The following TEX2 variants were observed in gnomAD, a reference collection of about 807,000 sequenced individuals.
TEX2 encodes testis-expressed protein 2.
A neutral mutation model predicts 106.9 loss-of-function variants in TEX2; 53 were observed. The observed-to-expected ratio is 0.50, with a 90% CI of 0.40 to 0.62. The LOEUF (loss-of-function observed/expected upper bound fraction) is 0.62. Ranked by LOEUF, TEX2 falls within the 20% of genes least tolerant of loss-of-function variation. TEX2 has a pLI of 0.00. For missense variants in TEX2, 1,207 were observed against 1,379.0 expected, an observed-to-expected ratio of 0.88 and a Z score of 1.98; for synonymous variants, 523 against 534.8, an observed-to-expected ratio of 0.98 and a Z score of 0.30.
intron 9 of TEX2, among the ~76,000 whole-genome samples, chr17:64,154,097 A>T (rs1340407900): frequency 6.6e-6 from 1 of 152,222 alleles, no homozygotes; most frequent in African/African-American, 2.4e-5. Flanking sequence ...GTATGTGTTC[A>T]GGGAAAAGCA....
chr17:64,214,289 C>A (rs1385980303), intron 1 of TEX2, 47 bp from the exon 2 acceptor site: 6 of 1,480,284 alleles, frequency 4.1e-6, no homozygotes, highest in South Asian at 1.3e-5. Flanking sequence ...AGTTTCTCCA[C>A]AGGAGACGCT....
At chr17:64,253,333 CTTTT>C (rs71158311) in intron 1 of TEX2, among the ~76,000 whole-genome samples, 1 of 39,464 alleles carries the variant, frequency 2.5e-5, no homozygotes, top group Admixed American at 3.5e-4. Context: ...TTCTTTCTTT[CTTTT>C]TTTTTTTTTT....
rs1040005729 is a variant in TEX2 at position 64,149,156 on chromosome 17, G to T, written c.3262-65C>A. On this transcript the variant is annotated intron_variant, in intron 11 of 11. Transcript: ENST00000584379. ...CCTTGCCAGGCTGTCACCCTCCTTT[G>T]TTCTGATAATTTTAGGGCTTAGACT... 16 of 1,569,978 alleles carry T rather than the reference G, an allele frequency of 1.0e-5. No homozygotes were observed. The African/African-American group carries it at 1.8e-4, about 17-fold the overall frequency.
chr17:64,226,032 T>C (rs1555633866), intron 1 of TEX2, among the ~76,000 whole-genome samples: 1 of 152,180 alleles, frequency 6.6e-6, no homozygotes, highest in African/African-American at 2.4e-5. Context: ...CAACACATTT[T>C]CAAAAGCTGA....
chr17:64,246,531 C>A (rs2033991524), intron 1 of TEX2, among the ~76,000 whole-genome samples: 1 of 152,160 alleles, frequency 6.6e-6, no homozygotes, highest in African/African-American at 2.4e-5. Context: ...AGGCGTGACC[C>A]ACCACGTCCA....
chr17:64,166,483 T>C (rs1023752839), intron 7 of TEX2, among the ~76,000 whole-genome samples: 12 of 152,212 alleles, frequency 7.9e-5, no homozygotes, highest in Admixed American at 3.9e-4. Context: ...GTGAGGCTGC[T>C]GCTGACCCGG....
At position 64,195,500 on chromosome 17, in the gene TEX2, C is replaced by T. The variant is rs974990465; in HGVS notation, c.1645-405G>A. Reference sequence around the variant, plus strand: ...AGCTAAACACATGCTCTTCCCAGCCCAGTTGGAATCTTTGAAATTTCAGGT... The same window carrying T: ...AGCTAAACACATGCTCTTCCCAGCCTAGTTGGAATCTTTGAAATTTCAGGT... On this transcript the variant is annotated intron_variant, in intron 2 of 11. Transcript: ENST00000584379. The surrounding 1 kb of genome is among the most constrained non-coding windows in gnomAD (Gnocchi z 4.1). 6.6e-6 allele frequency among the ~76,000 whole-genome samples: 1 copy of T among 152,174 alleles called. No individual in the cohort carries two copies. Among genetic ancestry groups the T allele is most frequent in the Admixed American group, 6.5e-5 (1 of 15,270 alleles).
At position 64,201,700 on chromosome 17, in the gene TEX2, C is replaced by T. The variant is rs115967017; in HGVS notation, c.1645-6605G>A. Among the ~76,000 whole-genome samples the T allele has an allele frequency of 5.4e-3, 820 of 152,236 alleles. 11 individuals carry two copies. Among genetic ancestry groups the T allele is most frequent in the African/African-American group, 0.018 (744 of 41,536 alleles). ...GTCACCCCTCAGGTCATGGCAAAGACGGCACTTCTCCTAGGAAGCCTCCCT... is the reference window on the plus strand; with the variant it reads ...GTCACCCCTCAGGTCATGGCAAAGATGGCACTTCTCCTAGGAAGCCTCCCT... On this transcript the variant is annotated intron_variant, in intron 2 of 11. Coordinates refer to ENST00000584379, the MANE Select transcript of TEX2 (RefSeq NM_001288732.2).
chr17:64,177,013 A>G (rs2031642403), intron 6 of TEX2, among the ~76,000 whole-genome samples: 1 of 152,238 alleles, frequency 6.6e-6, no homozygotes, highest in Non-Finnish European at 1.5e-5. Context: ...ACTTAAAAAT[A>G]ACAATTATAT....
intron 1 of TEX2, among the ~76,000 whole-genome samples, chr17:64,258,817 T>TG (rs2034234910): frequency 6.6e-6 from 1 of 151,238 alleles, no homozygotes; most frequent in Admixed American, 6.6e-5. Context: ...TGGAGTGCAG[T>TG]GGTGCGATCT....
chr17:64,209,040 C>A (rs2032921868), intron 2 of TEX2, among the ~76,000 whole-genome samples: 1 of 152,148 alleles, frequency 6.6e-6, no homozygotes, highest in Non-Finnish European at 1.5e-5. Context: ...ATCCATTCAG[C>A]CAACAATTAC....
At chr17:64,242,983 C>CAGTG (rs1430063749) in intron 1 of TEX2, among the ~76,000 whole-genome samples, 2 of 151,100 alleles carry the variant, frequency 1.3e-5, no homozygotes, top group East Asian at 3.9e-4. Flanking sequence ...GGCTGGAGTG[C>CAGTG]AGTGGCACGA....
intron 1 of TEX2, among the ~76,000 whole-genome samples, chr17:64,224,053 C>T (rs1344584277): frequency 6.6e-6 from 1 of 152,150 alleles, no homozygotes; most frequent in African/African-American, 2.4e-5. Context: ...AAAATTCAGC[C>T]TGTTAGGCAT....
intron 6 of TEX2, among the ~76,000 whole-genome samples, chr17:64,173,068 G>A (rs931898503): frequency 2.6e-5 from 4 of 152,014 alleles, no homozygotes; most frequent in African/African-American, 7.3e-5. Flanking sequence ...CAGCAATCTC[G>A]ACCTATTTAT....
chr17:64,157,552 T>C (rs1047737703), intron 8 of TEX2, among the ~76,000 whole-genome samples: 2 of 152,228 alleles, frequency 1.3e-5, no homozygotes, highest in African/African-American at 4.8e-5. Flanking sequence ...GAGGCAATTC[T>C]AAAAAGAAGC....
chr17:64,248,605 G>A (rs1305967343), intron 1 of TEX2, among the ~76,000 whole-genome samples: 1 of 152,226 alleles, frequency 6.6e-6, no homozygotes, highest in Non-Finnish European at 1.5e-5. Context: ...AATTTGGCTT[G>A]AAATCATCCC....
chr17:64,188,555 G>C, intron 4 of TEX2, 140 bp from the exon 5 acceptor site: 1 of 1,357,572 alleles, frequency 7.4e-7, no homozygotes, highest in Non-Finnish European at 9.8e-7. Context: ...GGTGGCTCAC[G>C]CCTGTAATCC....
At chr17:64,208,228 TTTTG>T (rs1448259301) in intron 2 of TEX2, among the ~76,000 whole-genome samples, 25 of 130,516 alleles carry the variant, frequency 1.9e-4, no homozygotes, top group African/African-American at 6.6e-4. Flanking sequence ...ACTGTTTTGT[TTTTG>T]TTTTTGTTTT....
chr17:64,177,935 C>G (rs958856450), intron 5 of TEX2, among the ~76,000 whole-genome samples: 7 of 152,180 alleles, frequency 4.6e-5, no homozygotes, highest in African/African-American at 1.7e-4. Context: ...CCTGTGAGGT[C>G]AAAATATTCC....
Sources: allele counts gnomAD v4.1 joint callset (sites outside exome capture counted in the v4.1 genomes callset), GRCh38; gene constraint gnomAD v4.1.1; non-coding constraint Gnocchi (gnomAD v3.1); transcripts MANE v1.5; gene names NCBI Gene and HGNC (gene_info 2026-07-23, HGNC 2026-07-21).